PDZRN4: variants seen among roughly 807,000 people sequenced by gnomAD.
PDZRN4 encodes PDZ domain-containing RING finger protein 4.
A neutral mutation model predicts 99.0 loss-of-function variants in PDZRN4; 70 were observed. The ratio of observed to expected loss-of-function variants is 0.71; its 90% confidence interval spans 0.58 to 0.86. The LOEUF (loss-of-function observed/expected upper bound fraction) is 0.86, where lower values mean the gene tolerates loss of function less well. PDZRN4 is among the 40% of genes least tolerant of loss of function. The pLI, the probability that PDZRN4 is intolerant of heterozygous loss-of-function variation, is 0.00. For missense variants in PDZRN4, 1,474 were observed against 1,331.2 expected, an observed-to-expected ratio of 1.11 and a Z score of -1.67; for synonymous variants, 551 against 501.6, an observed-to-expected ratio of 1.10 and a Z score of -1.32.
intron 3 of PDZRN4, among the ~76,000 whole-genome samples, chr12:41,493,598 C>T (rs1335168348): frequency 1.3e-5 from 2 of 152,074 alleles, no homozygotes; most frequent in African/African-American, 4.8e-5. Flanking sequence ...TCGTTGTACA[C>T]GCATGCTCTC....
At position 41,188,504 on chromosome 12, in the gene PDZRN4, G is replaced by A. The variant is rs770713292; in HGVS notation, c.49G>A (p.Glu17Lys). The A allele has an allele frequency of 4.4e-6, 7 of 1,590,326 alleles. No homozygotes were observed. The African/African-American group carries it at 6.7e-5, about 15-fold the overall frequency. ...RFAEAVDPALECKLCGQVLEE... is the reference protein window; with the variant it reads ...RFAEAVDPALKCKLCGQVLEE... ...CGCAGAAGCCGTGGACCCGGCTCTG[G>A]AGTGCAAACTGTGCGGCCAGGTGCT... The change falls in exon 1 of 10, where the codon GAG (glutamate) becomes AAG (lysine). Residue 17 changes from glutamate (E) to lysine (K), a missense_variant. Physicochemically the swap from Glu to Lys is moderately conservative, Grantham distance 56. Coordinates refer to ENST00000402685, the MANE Select transcript of PDZRN4 (RefSeq NM_001164595.2).
chr12:41,372,470 G>A (rs895304512), intron 3 of PDZRN4, among the ~76,000 whole-genome samples: 3 of 152,092 alleles, frequency 2.0e-5, no homozygotes, highest in African/African-American at 4.8e-5. Flanking sequence ...GTCAAAGTGT[G>A]GGGCAGTTGT....
intron 3 of PDZRN4, among the ~76,000 whole-genome samples, chr12:41,298,264 G>T (rs1319045970): frequency 6.6e-6 from 1 of 152,098 alleles, no homozygotes; most frequent in Admixed American, 6.6e-5. Context: ...ATTACTCCCA[G>T]TGATAATTTG....
Position 41,506,461 on chromosome 12 carries a change from T to C in PDZRN4, c.849T>C (p.Asn283=), listed in dbSNP as rs768288610. Residue 283 remains asparagine (N), a synonymous_variant, in exon 4 of 10, where the codon AAT becomes AAC. Coordinates refer to ENST00000402685, the MANE Select transcript of PDZRN4 (RefSeq NM_001164595.2). The part of the protein sequence containing the change: ...LEIHDKIMEV[N]GKDLSKATHE... ...ATGTCCTTATATGTTTGTAGGTCAA[T>C]GGGAAGGATCTTTCAAAGGCCACTC... 1.9e-6 allele frequency: 3 copies of C among 1,610,610 alleles called. No homozygotes were observed. The South Asian group carries it at 3.3e-5, about 18-fold the overall frequency.
rs553174941 is a variant in PDZRN4, at chr12:41,216,855, GTTAAA to G, written c.843+22672_843+22676del. On this transcript the variant is annotated intron_variant, in intron 3 of 9. Transcript: ENST00000402685. ...AATAATCACCAAATCAACCTGCTGA[GTTAAA>G]TTAATGTCCCTCTATTCTTCTTAAA... 8.0e-4 allele frequency among the ~76,000 whole-genome samples: 122 copies of G among 152,122 alleles called. 1 individual carries two copies. The highest frequency in any genetic ancestry group is 1.5e-3 in the Non-Finnish European group (100 of 67,984).
At chr12:41,318,226 G>A (rs1442218362) in intron 3 of PDZRN4, among the ~76,000 whole-genome samples, 1 of 152,124 alleles carries the variant, frequency 6.6e-6, no homozygotes, top group Non-Finnish European at 1.5e-5. Flanking sequence ...CTGGGATTTA[G>A]CATGTTTTCC....
At chr12:41,216,850 G>A (rs1950924272) in intron 3 of PDZRN4, among the ~76,000 whole-genome samples, 1 of 151,914 alleles carries the variant, frequency 6.6e-6, no homozygotes, top group South Asian at 2.1e-4. Flanking sequence ...AAATCAACCT[G>A]CTGAGTTAAA....
intron 3 of PDZRN4, among the ~76,000 whole-genome samples, chr12:41,227,589 C>T (rs908853117): frequency 2.0e-5 from 3 of 151,996 alleles, no homozygotes; most frequent in African/African-American, 7.2e-5. Context: ...GGTTTGAGCC[C>T]AGGAGGTGGA....
intron 3 of PDZRN4, among the ~76,000 whole-genome samples, chr12:41,339,340 C>T (rs1219341072): frequency 6.6e-6 from 1 of 152,050 alleles, no homozygotes; most frequent in Non-Finnish European, 1.5e-5. Context: ...ATACTCTTTT[C>T]ACTAAATGGT....
chr12:41,352,260 G>T (rs562088178), intron 3 of PDZRN4, among the ~76,000 whole-genome samples: 7 of 152,076 alleles, frequency 4.6e-5, no homozygotes, highest in Non-Finnish European at 1.0e-4. Context: ...GCATGGCTGT[G>T]AAAGGAAAGA....
intron 5 of PDZRN4, among the ~76,000 whole-genome samples, chr12:41,544,246 G>C (rs1051100437): frequency 1.3e-5 from 2 of 152,168 alleles, no homozygotes; most frequent in Non-Finnish European, 2.9e-5. Context: ...AGATAATTTT[G>C]TTTTAATTTT....
intron 5 of PDZRN4, among the ~76,000 whole-genome samples, chr12:41,545,938 C>T (rs80057324): frequency 6.6e-6 from 1 of 151,786 alleles, no homozygotes; most frequent in African/African-American, 2.4e-5. Context: ...TCATAATAAT[C>T]CACTAGGATC....
At chr12:41,376,853 G>A (rs1952085686) in intron 3 of PDZRN4, among the ~76,000 whole-genome samples, 1 of 151,850 alleles carries the variant, frequency 6.6e-6, no homozygotes, top group South Asian at 2.1e-4. Flanking sequence ...GGAGTTTTGT[G>A]GTTTTATGAT....
chr12:41,514,463 C>G (rs776765789), intron 5 of PDZRN4, among the ~76,000 whole-genome samples: 1 of 151,920 alleles, frequency 6.6e-6, no homozygotes, highest in Non-Finnish European at 1.5e-5. Context: ...TACATTCTAT[C>G]ATATTTTTTG....
At chr12:41,299,268 G>A (rs904486786) in intron 3 of PDZRN4, among the ~76,000 whole-genome samples, 4 of 150,800 alleles carry the variant, frequency 2.7e-5, no homozygotes, top group African/African-American at 4.9e-5. Flanking sequence ...AGTAAAATGA[G>A]AGAGAGAGAG....
intron 3 of PDZRN4, among the ~76,000 whole-genome samples, chr12:41,236,951 CT>C (rs1231036937): frequency 9.2e-5 from 14 of 152,014 alleles, no homozygotes; most frequent in Admixed American, 2.6e-4. Flanking sequence ...TAGAAAATGT[CT>C]TTTTCATAAT....
intron 3 of PDZRN4, among the ~76,000 whole-genome samples, chr12:41,360,368 T>A (rs1387089653): frequency 6.6e-6 from 1 of 152,042 alleles, no homozygotes; most frequent in Non-Finnish European, 1.5e-5. Flanking sequence ...TATAAAATAA[T>A]TTTTAGGCAA....
At chr12:41,342,799 G>C (rs1286666858) in intron 3 of PDZRN4, among the ~76,000 whole-genome samples, 1 of 151,762 alleles carries the variant, frequency 6.6e-6, no homozygotes, top group Non-Finnish European at 1.5e-5. Context: ...AAGAGATGGA[G>C]TTTTCTCAAA....
intron 3 of PDZRN4, among the ~76,000 whole-genome samples, chr12:41,294,086 T>C (rs76307102): frequency 1.3e-5 from 2 of 152,302 alleles, no homozygotes; most frequent in African/African-American, 2.4e-5. Context: ...TTTTTTCCTC[T>C]ATAGTTTGTT....
Sources: gnomAD v4.1 joint callset for allele counts (sites outside exome capture counted in the v4.1 genomes callset) on GRCh38, gnomAD v4.1.1 for gene constraint, MANE v1.5 for transcripts, NCBI Gene and HGNC (gene_info 2026-07-23, HGNC 2026-07-21) for gene names.